PKNOX2: variants seen among roughly 807,000 people sequenced by gnomAD.
PKNOX2 encodes the protein PBX/knotted 1 homeobox 2, also known as homeobox protein PKNOX2.
A neutral mutation model predicts 53.1 loss-of-function variants in PKNOX2; 14 were observed. The ratio of observed to expected loss-of-function variants is 0.26; its 90% CI spans 0.17 to 0.41. PKNOX2 has a LOEUF of 0.41. Ranked by LOEUF, PKNOX2 falls within the 10% of genes least tolerant of loss-of-function variation. PKNOX2 has a pLI of 1.00. For synonymous variants in PKNOX2, 257 were observed against 242.8 expected (o/e 1.06, Z -0.54); for missense variants, 496 against 602.8 (o/e 0.82, Z 1.85).
Position 125,396,579 on chromosome 11 carries a change from T to TAA in PKNOX2, c.400-1295_400-1294insAA, listed in dbSNP as rs1403174317. Among the ~76,000 whole-genome samples, 67 of 123,880 alleles carry TAA rather than the reference T, an allele frequency of 5.4e-4. 1 individual carries two copies. Among genetic ancestry groups the TAA allele is most frequent in the Admixed American group, 4.6e-3 (57 of 12,488 alleles). The allele number at this position is 123,880 out of a possible 152,430, so 81.3% of individuals were successfully genotyped here. ...ATCCTAAAGAATAATGCAGAAACTT[T>TAA]TAAAAAAAAAAAAAAAAAGCTATAA... On this transcript the variant is annotated intron_variant, in intron 6 of 12. Transcript: ENST00000298282.
intron 3 of PKNOX2, among the ~76,000 whole-genome samples, chr11:125,339,542 C>G (rs991073036): frequency 6.6e-6 from 1 of 152,170 alleles, no homozygotes; most frequent in African/African-American, 2.4e-5. Flanking sequence ...CCTGGAAAGC[C>G]AAGGGTGTGT....
chr11:125,310,505 AT>A (rs975134083), intron 2 of PKNOX2, among the ~76,000 whole-genome samples: 4 of 151,656 alleles, frequency 2.6e-5, no homozygotes, highest in South Asian at 4.2e-4. Context: ...AAAAAAAAAA[AT>A]AATAAAAATA....
rs986208834 is a variant in PKNOX2, at chr11:125,166,070, A to C, written c.-201+1294A>C. ...TAGGGCTGGGTTTTAGGACCAGTCT[A>C]GAGTTCGGTTTATAGGATCCAGACT... On this transcript the variant is annotated intron_variant, in intron 1 of 12. Transcript: ENST00000298282. The surrounding 1 kb of genome is among the most constrained non-coding windows in gnomAD (Gnocchi z 4.0). Among the ~76,000 whole-genome samples, 1 of 152,032 alleles carries C rather than the reference A, an allele frequency of 6.6e-6. No individual in the cohort carries two copies. The highest frequency in any genetic ancestry group is 1.5e-5 in the Non-Finnish European group (1 of 68,002).
chr11:125,235,326 C>T (rs1015356602), intron 2 of PKNOX2, among the ~76,000 whole-genome samples: 1 of 152,152 alleles, frequency 6.6e-6, no homozygotes, highest in Non-Finnish European at 1.5e-5. Context: ...TTTAATTAGA[C>T]TATATTGATT....
intron 2 of PKNOX2, among the ~76,000 whole-genome samples, chr11:125,323,768 C>T (rs923757591): frequency 2.0e-5 from 3 of 152,102 alleles, no homozygotes; most frequent in African/African-American, 4.8e-5. Context: ...ATCCATCTGA[C>T]CTGGAATCTT....
intron 4 of PKNOX2, 75 bp from the exon 5 acceptor site, chr11:125,367,771 G>A (rs996773046): frequency 6.0e-5 from 91 of 1,511,714 alleles, no homozygotes; most frequent in South Asian, 4.0e-4. Context: ...AGGCCAAGGC[G>A]GACCTCACAC....
chr11:125,403,055 T>C (rs545154174), intron 7 of PKNOX2, among the ~76,000 whole-genome samples: 7 of 152,282 alleles, frequency 4.6e-5, no homozygotes, highest in Admixed American at 1.3e-4. Flanking sequence ...GTTTCCAATG[T>C]AGCAAGAAGT....
At position 125,166,097 on chromosome 11, in the gene PKNOX2, T is replaced by C. The variant is rs1191185450; in HGVS notation, c.-201+1321T>C. ...AGTTCGGTTTATAGGATCCAGACTGTTTACGGAATCGGGATCGAGGGGCCG... is the reference window on the plus strand; with the variant it reads ...AGTTCGGTTTATAGGATCCAGACTGCTTACGGAATCGGGATCGAGGGGCCG... On this transcript the variant is annotated intron_variant, in intron 1 of 12. Transcript: ENST00000298282. The surrounding 1 kb of genome is among the most constrained non-coding windows in gnomAD (Gnocchi z 4.0). Among the ~76,000 whole-genome samples, 1 of 151,982 alleles carries C rather than the reference T, an allele frequency of 6.6e-6. No homozygotes were observed. Among genetic ancestry groups the C allele is most frequent in the Non-Finnish European group, 1.5e-5 (1 of 67,994 alleles).
chr11:125,342,088 G>A (rs1950719033), intron 3 of PKNOX2, among the ~76,000 whole-genome samples: 1 of 152,184 alleles, frequency 6.6e-6, no homozygotes, highest in Non-Finnish European at 1.5e-5. Flanking sequence ...CTGGGTATGA[G>A]CGTCTCAGGA....
intron 2 of PKNOX2, among the ~76,000 whole-genome samples, chr11:125,305,900 C>A (rs182880559): frequency 1.2e-4 from 18 of 152,164 alleles, no homozygotes; most frequent in African/African-American, 3.6e-4. Context: ...AACCAAAGAT[C>A]GTTATTTTTG....
At position 125,311,041 on chromosome 11, in the gene PKNOX2, G is replaced by A. The variant is rs563455132; in HGVS notation, c.-129-20778G>A. ...GTGTGGTATGGGGGAGTCTGGTGGG[G>A]GAAGGTGTTTTTAGACTCCAGTTCA... is the stretch of plus-strand genomic sequence containing the variant. On this transcript the variant is annotated intron_variant, in intron 2 of 12. Transcript: ENST00000298282. 9.2e-5 allele frequency among the ~76,000 whole-genome samples: 14 copies of A among 152,178 alleles called. 1 individual carries two copies. In the South Asian group the frequency reaches 2.9e-3, roughly 32 times the overall value.
intron 1 of PKNOX2, among the ~76,000 whole-genome samples, chr11:125,204,337 A>G (rs1938813606): frequency 6.6e-6 from 1 of 152,164 alleles, no homozygotes; most frequent in Non-Finnish European, 1.5e-5. Flanking sequence ...CCGTGTTAAG[A>G]TGCAGATTCT....
chr11:125,381,307 A>C (rs1953211784), intron 5 of PKNOX2, among the ~76,000 whole-genome samples: 1 of 152,028 alleles, frequency 6.6e-6, no homozygotes, highest in Non-Finnish European at 1.5e-5. Context: ...CTGGGGTAGG[A>C]GAAGAGAGGA....
At chr11:125,364,126 C>T (rs1308878864) in intron 4 of PKNOX2, among the ~76,000 whole-genome samples, 4 of 152,210 alleles carry the variant, frequency 2.6e-5, no homozygotes, top group African/African-American at 2.4e-5. Context: ...TTCAAGCTAT[C>T]CCCATCCTCC....
chr11:125,355,135 C>T (rs1342152503), intron 4 of PKNOX2, among the ~76,000 whole-genome samples: 2 of 151,964 alleles, frequency 1.3e-5, no homozygotes, highest in East Asian at 3.9e-4. Flanking sequence ...GACATGGTGG[C>T]ACATGCCTGT....
intron 1 of PKNOX2, among the ~76,000 whole-genome samples, chr11:125,206,774 C>A (rs1039371900): frequency 3.9e-5 from 6 of 152,040 alleles, no homozygotes; most frequent in Admixed American, 2.0e-4. Context: ...GCAAAGACAG[C>A]GCTCAGTAAA....
chr11:125,274,210 G>C (rs73621011), intron 2 of PKNOX2, among the ~76,000 whole-genome samples: 3,209 of 152,214 alleles, frequency 0.021, 111 homozygotes, highest in African/African-American at 0.072. Flanking sequence ...AGAGTAACTT[G>C]CCCATGGTCA....
Position 125,360,004 on chromosome 11 carries a change from G to A in PKNOX2, c.88-7842G>A, listed in dbSNP as rs544983278. ...CTCCCAAAGTGCTGGGATTACAGGC[G>A]TGAGCCACCATGCCCGGTGTAATCC... On this transcript the variant is annotated intron_variant, in intron 4 of 12. Transcript: ENST00000298282. Among the ~76,000 whole-genome samples the A allele has an allele frequency of 1.1e-4, 17 of 152,304 alleles. No individual in the cohort carries two copies. The South Asian group carries it at 3.1e-3, about 28-fold the overall frequency.
At position 125,409,331 on chromosome 11, in the gene PKNOX2, C is replaced by T. The variant is rs541894707; in HGVS notation, c.589-865C>T. On this transcript the variant is annotated intron_variant, in intron 7 of 12. Transcript: ENST00000298282. ...AGAGCAGAGGGCCAGGAAAACATGT[C>T]TTACCTGCCTGGGCTAACGCAAAGA... Among the ~76,000 whole-genome samples the T allele has an allele frequency of 8.0e-4, 122 of 152,318 alleles. 1 individual carries two copies. The highest frequency in any genetic ancestry group is 3.4e-3 in the Middle Eastern group (1 of 294).
Sources: allele counts gnomAD v4.1 joint callset (sites outside exome capture counted in the v4.1 genomes callset), GRCh38; gene constraint gnomAD v4.1.1; non-coding constraint Gnocchi (gnomAD v3.1); transcripts MANE v1.5; gene names NCBI Gene and HGNC (gene_info 2026-07-23, HGNC 2026-07-21).